NT5C2: variants seen among roughly 807,000 people sequenced by gnomAD.
NT5C2 encodes cytosolic purine 5'-nucleotidase.
A neutral mutation model predicts 76.1 loss-of-function variants in NT5C2; 58 were observed. That is an observed-to-expected ratio of 0.76 (90% CI 0.62 to 0.95). NT5C2 has a LOEUF of 0.95. Ranked by LOEUF, NT5C2 falls within the 40% of genes least tolerant of loss-of-function variation. NT5C2 has a pLI of 0.00. For missense variants in NT5C2, 478 were observed against 690.3 expected (o/e 0.69, Z 3.45); for synonymous variants, 229 against 237.4 (o/e 0.96, Z 0.32).
chr10:103,092,828 G>C (rs981351776), intron 15 of NT5C2, among the ~76,000 whole-genome samples: 9 of 152,132 alleles, frequency 5.9e-5, no homozygotes, highest in African/African-American at 2.2e-4. Flanking sequence ...GGAAATATGG[G>C]ACCACAGAGG....
In NT5C2 at chr10:103,156,241, C is replaced by A. The variant is rs974596462; in HGVS notation, c.102-16762G>T. Among the ~76,000 whole-genome samples, 6 of 151,926 alleles carry A rather than the reference C, an allele frequency of 3.9e-5. No individual in the cohort carries two copies. In the East Asian group the frequency reaches 7.7e-4, roughly 20 times the overall value. On this transcript the variant is annotated intron_variant, in intron 3 of 18. Transcript: ENST00000404739. ...GGGATACTGCTGTAATCTAGGACAG[C>A]GATAACAAGGGCCTGGACCATGGCA...
intron 4 of NT5C2, among the ~76,000 whole-genome samples, chr10:103,137,011 T>G (rs1361277949): frequency 1.3e-5 from 2 of 152,222 alleles, no homozygotes; most frequent in African/African-American, 4.8e-5. Context: ...AGTAACAAAA[T>G]GTGCCAGGCA....
At chr10:103,116,935 T>C (rs2074499654) in intron 4 of NT5C2, among the ~76,000 whole-genome samples, 1 of 152,220 alleles carries the variant, frequency 6.6e-6, no homozygotes, top group Admixed American at 6.5e-5. Context: ...AAACCTGTTC[T>C]ACCAACAGCA....
At position 103,091,603 on chromosome 10, in the gene NT5C2, T is replaced by C. The variant is rs775006132; in HGVS notation, c.1172A>G (p.Glu391Gly). Reference sequence around the variant, plus strand: ...CAAGAAAATATCCAAGCTCTGAAGTTCTTCGAAAAGTGCTAGTTAAGGTTT... The same window carrying C: ...CAAGAAAATATCCAAGCTCTGAAGTCCTTCGAAAAGTGCTAGTTAAGGTTT... ...VWTDKSSLFE[E>G]LQSLDIFLAE... is the part of the protein sequence containing the mutation. The change falls in exon 16 of 19, where the codon GAA (glutamate) becomes GGA (glycine). Residue 391 changes from glutamate (E) to glycine (G), a missense_variant. Transcript: ENST00000404739. 2 of 1,613,512 alleles carry C rather than the reference T, an allele frequency of 1.2e-6. No homozygotes were observed. Among genetic ancestry groups the C allele is most frequent in the Non-Finnish European group, 1.7e-6 (2 of 1,179,518 alleles).
chr10:103,181,074 CT>C (rs1043371662), intron 2 of NT5C2, 110 bp downstream of exon 2: 39 of 152,118 alleles, frequency 2.6e-4, no homozygotes, highest in African/African-American at 9.4e-4. Flanking sequence ...CCCAGGAAAA[CT>C]TTTGGGGAGA....
At chr10:103,122,524 A>T (rs1591084226) in intron 4 of NT5C2, among the ~76,000 whole-genome samples, 1 of 152,242 alleles carries the variant, frequency 6.6e-6, no homozygotes, top group East Asian at 1.9e-4. Context: ...AATTCCAGCT[A>T]TGAGTTTTAA....
At chr10:103,172,108 G>A (rs1446604003) in intron 3 of NT5C2, among the ~76,000 whole-genome samples, 1 of 151,932 alleles carries the variant, frequency 6.6e-6, no homozygotes, top group Non-Finnish European at 1.5e-5. Context: ...TACTCGGGAC[G>A]GTGAGGCAGG....
chr10:103,093,182 A>C lies in NT5C2; in HGVS notation c.1116T>G (p.Ile372Met). 6.2e-7 allele frequency: 1 copy of C among 1,611,830 alleles called. No homozygotes were observed. Among genetic ancestry groups the C allele is most frequent in the Non-Finnish European group, 8.5e-7 (1 of 1,179,004 alleles). ...CATGTAGCTCCTGTGCGAGTTCAGG[A>C]ATCACCAAAAAAGTTCGCCACCCTT... Reference protein sequence around the residue: ...KRQGWRTFLVIPELAQELHVW... With the variant: ...KRQGWRTFLVMPELAQELHVW... The change falls in exon 15 of 19, where the codon ATT (isoleucine) becomes ATG (methionine). Residue 372 changes from isoleucine to methionine, a missense_variant. By Grantham distance (10) the Ile-to-Met change is conservative. Coordinates refer to ENST00000404739, the MANE Select transcript of NT5C2 (RefSeq NM_001351169.2).
At position 103,088,134 on chromosome 10, in the gene NT5C2, C is replaced by G. The variant is rs1446290835; in HGVS notation, c.*1538G>C. 6.6e-6 allele frequency: 1 copy of G among 152,194 alleles called. No individual in the cohort carries two copies. The highest frequency in any genetic ancestry group is 1.9e-4 in the East Asian group (1 of 5,204). The allele number at this position is 152,194 out of a possible 1,614,324, so 9.4% of individuals were successfully genotyped here. A position where few individuals can be genotyped will look rare whatever the true frequency, so the allele number is the denominator to read the frequency against. On this transcript the variant is annotated 3_prime_UTR_variant, in exon 19 of 19. Transcript: ENST00000404739. Reference sequence around the variant, plus strand: ...ACCAATAGCTATTACAGTTGTACTACAGAATAGGTCAAAGTCACCGTTAGA... The same window carrying G: ...ACCAATAGCTATTACAGTTGTACTAGAGAATAGGTCAAAGTCACCGTTAGA...
chr10:103,123,442 C>T (rs375730891), intron 4 of NT5C2, among the ~76,000 whole-genome samples: 2 of 152,202 alleles, frequency 1.3e-5, no homozygotes, highest in East Asian at 1.9e-4. Flanking sequence ...AGAGGGATCT[C>T]GAACTCCTGG....
At chr10:103,164,166 GC>G (rs1307788158) in intron 3 of NT5C2, among the ~76,000 whole-genome samples, 30 of 152,230 alleles carry the variant, frequency 2.0e-4, no homozygotes, top group African/African-American at 7.2e-4. Flanking sequence ...GATCACTAGA[GC>G]CCAGGAGGAG....
intron 2 of NT5C2, among the ~76,000 whole-genome samples, chr10:103,176,882 C>G (rs2090073991): frequency 6.6e-6 from 1 of 152,022 alleles, no homozygotes; most frequent in South Asian, 2.1e-4. Context: ...CTTTTTTTGA[C>G]TTGGTAAGAA....
intron 4 of NT5C2, among the ~76,000 whole-genome samples, chr10:103,128,674 C>T (rs1280645712): frequency 1.0e-4 from 4 of 38,572 alleles, no homozygotes; most frequent in East Asian, 7.2e-4. Flanking sequence ...CGTCTCTGCC[C>T]GGCCGCCCAT....
intron 3 of NT5C2, among the ~76,000 whole-genome samples, chr10:103,163,871 CAAAAAAA>C (rs772272272): frequency 1.7e-5 from 1 of 59,200 alleles, no homozygotes; most frequent in Non-Finnish European, 3.9e-5. Context: ...AAAAAAAAAA[CAAAAAAA>C]AAAAAACCTG....
chr10:103,173,125 A>C (rs2088684774), intron 3 of NT5C2, among the ~76,000 whole-genome samples: 2 of 152,164 alleles, frequency 1.3e-5, no homozygotes. Context: ...CTGGGATTAC[A>C]GATGCGAGCC....
chr10:103,113,873 G>A (rs1231554908), intron 4 of NT5C2, among the ~76,000 whole-genome samples: 1 of 152,044 alleles, frequency 6.6e-6, no homozygotes, highest in Non-Finnish European at 1.5e-5. Flanking sequence ...ATTTCTCAAG[G>A]TACTATAAAG....
chr10:103,137,214 G>C (rs1275354831), intron 4 of NT5C2, among the ~76,000 whole-genome samples: 1 of 135,772 alleles, frequency 7.4e-6, no homozygotes, highest in East Asian at 2.1e-4. Flanking sequence ...TGAAAGAAGA[G>C]ACTATAGATT....
chr10:103,153,073 T>C (rs1405027115), intron 3 of NT5C2, among the ~76,000 whole-genome samples: 2 of 152,212 alleles, frequency 1.3e-5, no homozygotes, highest in Non-Finnish European at 2.9e-5. Flanking sequence ...AAATTCCTAT[T>C]AAGATTGCCC....
At chr10:103,129,473 A>G (rs1299004021) in intron 4 of NT5C2, among the ~76,000 whole-genome samples, 22 of 66,100 alleles carry the variant, frequency 3.3e-4, no homozygotes, top group African/African-American at 4.6e-4. Flanking sequence ...CGGGAGGGAG[A>G]TGGGGGGGTC....
Sources: gnomAD v4.1 joint callset for allele counts (sites outside exome capture counted in the v4.1 genomes callset) on GRCh38, gnomAD v4.1.1 for gene constraint, MANE v1.5 for transcripts, NCBI Gene and HGNC (gene_info 2026-07-23, HGNC 2026-07-21) for gene names.